Variants in KDM4C observed in about 807,000 individuals in gnomAD.
KDM4C encodes the protein lysine-specific demethylase 4C.
In KDM4C, 81 loss-of-function variants were observed where a neutral mutation model predicts 129.3. That is an observed-to-expected ratio of 0.63 (90% CI 0.52 to 0.75). The LOEUF is 0.75. Among genes scored for constraint, KDM4C ranks in the 30% least tolerant of loss-of-function variants. KDM4C has a pLI of 0.00. For missense variants in KDM4C, 1,457 were observed against 1,304.0 expected (o/e 1.12, Z -1.81); for synonymous variants, 573 against 456.1 (o/e 1.26, Z -3.26).
intron 17 of KDM4C, among the ~76,000 whole-genome samples, chr9:7,052,178 T>C (rs957235964): frequency 6.6e-6 from 1 of 152,242 alleles, no homozygotes; most frequent in African/African-American, 2.4e-5. Context: ...CCAAATTTCT[T>C]TTTTGTTAGC....
intron 17 of KDM4C, among the ~76,000 whole-genome samples, chr9:7,098,027 G>A (rs1836652379): frequency 6.6e-6 from 1 of 152,226 alleles, no homozygotes; most frequent in Admixed American, 6.5e-5. Flanking sequence ...TAATGTATCT[G>A]TTGATCCAAA....
intron 5 of KDM4C, among the ~76,000 whole-genome samples, chr9:6,860,042 T>G (rs1840640939): frequency 6.6e-6 from 1 of 152,162 alleles, no homozygotes; most frequent in African/African-American, 2.4e-5. Context: ...TGTTTCTTTT[T>G]ACACCATCAA....
At position 6,889,010 on chromosome 9, in the gene KDM4C, G is replaced by A. The variant is rs1404364217; in HGVS notation, c.783+947G>A. Among the ~76,000 whole-genome samples the A allele has an allele frequency of 6.1e-5, 2 of 32,974 alleles. 1 individual carries two copies. The highest frequency in any genetic ancestry group is 1.3e-3 in the East Asian group (2 of 1,544). 21.6% of individuals were successfully genotyped at this position (32,974 alleles called of 152,430 possible). On this transcript the variant is annotated intron_variant, in intron 7 of 21. Transcript: ENST00000381309. ...TCACCGTTTTAGCCGGGATGGCCTCGATCTCCCGACCTCGTGATCCGCCCG... is the reference window on the plus strand; with the variant it reads ...TCACCGTTTTAGCCGGGATGGCCTCAATCTCCCGACCTCGTGATCCGCCCG...
At chr9:6,745,209 A>C (rs1241801583) in intron 1 of KDM4C, among the ~76,000 whole-genome samples, 2 of 152,170 alleles carry the variant, frequency 1.3e-5, no homozygotes, top group African/African-American at 4.8e-5. Flanking sequence ...TGTTCCCTCC[A>C]ATCTACAGTT....
At chr9:7,093,729 A>G (rs1836085832) in intron 17 of KDM4C, among the ~76,000 whole-genome samples, 1 of 152,232 alleles carries the variant, frequency 6.6e-6, no homozygotes, top group African/African-American at 2.4e-5. Context: ...TACTATAAAC[A>G]TCAGTTTGTA....
intron 15 of KDM4C, among the ~76,000 whole-genome samples, chr9:7,021,056 GAA>G (rs1439591019): frequency 6.6e-6 from 1 of 151,344 alleles, no homozygotes; most frequent in African/African-American, 2.4e-5. Context: ...CTGATTTTGT[GAA>G]GAGTGTCAAT....
chr9:7,012,337 C>G (rs1175791771), intron 13 of KDM4C, among the ~76,000 whole-genome samples: 2 of 152,104 alleles, frequency 1.3e-5, no homozygotes, highest in African/African-American at 4.8e-5. Context: ...CTTTGGTCTC[C>G]CAAATCTTTT....
intron 1 of KDM4C, among the ~76,000 whole-genome samples, chr9:6,725,645 A>G (rs1178354576): frequency 1.3e-5 from 2 of 150,370 alleles, no homozygotes; most frequent in Admixed American, 6.6e-5. Context: ...CTGCCACCAC[A>G]TCTGGCTACT....
chr9:6,943,375 A>T (rs996731926), intron 8 of KDM4C, among the ~76,000 whole-genome samples: 2 of 152,214 alleles, frequency 1.3e-5, no homozygotes, highest in Admixed American at 1.3e-4. Flanking sequence ...TTATTTTACA[A>T]ACTTCGCATT....
chr9:6,935,071 A>C (rs1824514623), intron 8 of KDM4C, among the ~76,000 whole-genome samples: 1 of 152,138 alleles, frequency 6.6e-6, no homozygotes, highest in Non-Finnish European at 1.5e-5. Context: ...AAATTTATTA[A>C]ATACGAAGTT....
At chr9:6,896,824 C>T (rs573872650) in intron 8 of KDM4C, among the ~76,000 whole-genome samples, 1 of 152,138 alleles carries the variant, frequency 6.6e-6, no homozygotes, top group Non-Finnish European at 1.5e-5. Flanking sequence ...AGAGTTGACA[C>T]TGGGAGGGGT....
intron 4 of KDM4C, among the ~76,000 whole-genome samples, chr9:6,816,121 G>A (rs779910537): frequency 5.3e-5 from 8 of 151,880 alleles, no homozygotes; most frequent in African/African-American, 1.9e-4. Flanking sequence ...TGATCTATGG[G>A]GTATACTCAA....
At chr9:6,992,114 T>C (rs1368881391) in intron 12 of KDM4C, among the ~76,000 whole-genome samples, 1 of 152,168 alleles carries the variant, frequency 6.6e-6, no homozygotes, top group Non-Finnish European at 1.5e-5. Context: ...TAATACTTAA[T>C]GTATAATGCT....
intron 15 of KDM4C, among the ~76,000 whole-genome samples, chr9:7,025,772 C>G (rs551557289): frequency 2.0e-5 from 3 of 152,152 alleles, no homozygotes; most frequent in African/African-American, 4.8e-5. Flanking sequence ...TAGTCTTTCT[C>G]CTTAAGATCA....
intron 8 of KDM4C, among the ~76,000 whole-genome samples, chr9:6,976,445 G>A (rs1318469383): frequency 6.6e-6 from 1 of 152,128 alleles, no homozygotes; most frequent in Non-Finnish European, 1.5e-5. Flanking sequence ...TATATATATA[G>A]TACTATTCAG....
At chr9:6,821,406 C>T (rs1833008436) in intron 4 of KDM4C, among the ~76,000 whole-genome samples, 1 of 152,096 alleles carries the variant, frequency 6.6e-6, no homozygotes. Context: ...TTTTAATGAT[C>T]ACCATTCTAA....
At chr9:6,979,855 ATG>A (rs1045018286) in intron 8 of KDM4C, among the ~76,000 whole-genome samples, 1 of 152,154 alleles carries the variant, frequency 6.6e-6, no homozygotes, top group African/African-American at 2.4e-5. Context: ...AATGTGGACT[ATG>A]TATGTAGGAG....
At chr9:6,940,069 CT>C (rs1452755852) in intron 8 of KDM4C, among the ~76,000 whole-genome samples, 2 of 85,696 alleles carry the variant, frequency 2.3e-5, no homozygotes, top group Non-Finnish European at 3.1e-5. Context: ...TTCCCTCCTT[CT>C]CTCTCTCTCT....
rs75946586 is a variant in KDM4C at position 6,920,675 on chromosome 9, A to T, written c.921+27443A>T. ...TTTGAGGAAATTACCAGGGAGAGTGAATGAAATCAGGGAACAGATTAATTT... is the reference window on the plus strand; with the variant it reads ...TTTGAGGAAATTACCAGGGAGAGTGTATGAAATCAGGGAACAGATTAATTT... On this transcript the variant is annotated intron_variant, in intron 8 of 21. Coordinates refer to ENST00000381309, the MANE Select transcript of KDM4C (RefSeq NM_015061.6). Among the ~76,000 whole-genome samples the T allele has an allele frequency of 8.9e-4, 136 of 152,348 alleles. 1 individual carries two copies. In the East Asian group the frequency reaches 0.017, roughly 19 times the overall value.
Sources: gnomAD v4.1 joint callset for allele counts (sites outside exome capture counted in the v4.1 genomes callset) on GRCh38, gnomAD v4.1.1 for gene constraint, MANE v1.5 for transcripts, NCBI Gene and HGNC (gene_info 2026-07-23, HGNC 2026-07-21) for gene names.